The following ABCA9 variants were observed in gnomAD, a reference collection of about 807,000 sequenced individuals.
The protein encoded by ABCA9 is ATP binding cassette subfamily A member 9.
Under a neutral mutation model 205.3 loss-of-function variants are expected in ABCA9, and 183 were observed. The ratio of observed to expected loss-of-function variants is 0.89; its 90% CI spans 0.79 to 1.01. The LOEUF (loss-of-function observed/expected upper bound fraction) is 1.01, where lower values mean the gene tolerates loss of function less well. Among genes scored for constraint, ABCA9 ranks in the 50% least tolerant of loss-of-function variants. The pLI is 0.00. For synonymous variants in ABCA9, 651 were observed against 683.3 expected, an observed-to-expected ratio of 0.95 and a Z score of 0.74; for missense variants, 1,805 against 1,912.4, an observed-to-expected ratio of 0.94 and a Z score of 1.05.
Position 68,982,564 on chromosome 17 carries a change from A to G in ABCA9, c.4718T>C (p.Ile1573Thr). The change falls in exon 37 of 39, where the codon ATA (isoleucine) becomes ACA (threonine). Residue 1573 changes from isoleucine (I) to threonine (T), a missense_variant and splice_region_variant. Ile to Thr is a moderately conservative substitution (Grantham distance 89, BLOSUM62 -1). Transcript: ENST00000340001. ...PLSQAFFKLE[I>T]VKQSFDLEEY... ...TGTCTCTAAACAGTCACTCTTACCT[A>G]TCTCTAATTTGAAGAAAGCCTGTGA... The G allele has an allele frequency of 1.9e-6, 3 of 1,612,762 alleles. No individual in the cohort carries two copies. The highest frequency in any genetic ancestry group is 2.5e-6 in the Non-Finnish European group (3 of 1,178,762).
chr17:68,976,134 C>T lies in ABCA9; in HGVS notation c.4776+1G>A, dbSNP rs766195842. The T allele has an allele frequency of 1.2e-6, 2 of 1,613,954 alleles. No individual in the cohort carries two copies. Among genetic ancestry groups the T allele is most frequent in the Non-Finnish European group, 1.7e-6 (2 of 1,179,806 alleles). ...ATATAGAATCACTAAAAATGACCCA[C>T]CTGCTCCAGGGTAGACTGTGAGAGG... On this transcript the variant is annotated splice_donor_variant, in intron 38 of 38. Coordinates refer to ENST00000340001, the MANE Select transcript of ABCA9 (RefSeq NM_080283.4). LOFTEE classifies it high-confidence loss of function.
rs577745042 is a variant in ABCA9, at chr17:69,008,171, G to A, written c.3212C>T (p.Ala1071Val). The A allele has an allele frequency of 3.8e-5, 62 of 1,613,932 alleles. 2 individuals carry two copies. The South Asian group carries it at 6.8e-4, about 18-fold the overall frequency. The change falls in exon 24 of 39, where the codon GCA becomes GTA. Residue 1071 changes from alanine to valine, a missense_variant. Coordinates refer to ENST00000340001, the MANE Select transcript of ABCA9 (RefSeq NM_080283.4). ...LYPSAYWFGQALVDVSLYFLI... is the reference protein window; with the variant it reads ...LYPSAYWFGQVLVDVSLYFLI... ...AAAGTACAGGGAAACATCCACCAGT[G>A]CTTGGCCAAACCAGTATGCAGAAGG...
rs1042616212 is a variant in ABCA9 at position 68,974,745 on chromosome 17, A to G, written c.*1170T>C. 3.3e-5 allele frequency: 5 copies of G among 152,370 alleles called. No homozygotes were observed. The highest frequency in any genetic ancestry group is 3.3e-4 in the Admixed American group (5 of 15,300). 9.4% of individuals were successfully genotyped at this position (152,370 alleles called of 1,614,324 possible). On this transcript the variant is annotated 3_prime_UTR_variant, in exon 39 of 39. Transcript: ENST00000340001. ...CTATGAAGTTTTAATTATTTGCATA[A>G]GAGTATGCCCTTGCATCATAAGAAA...
At chr17:69,014,096 G>GAAAC (rs1012521285) in intron 22 of ABCA9, among the ~76,000 whole-genome samples, 25 of 152,248 alleles carry the variant, frequency 1.6e-4, no homozygotes, top group African/African-American at 5.8e-4. Flanking sequence ...AATAGATAAT[G>GAAAC]AAACACAGTG....
At chr17:69,053,884 A>AT (rs1225642946) in intron 1 of ABCA9, among the ~76,000 whole-genome samples, 1 of 152,184 alleles carries the variant, frequency 6.6e-6, no homozygotes, top group East Asian at 1.9e-4. Flanking sequence ...AAGAAATATC[A>AT]TTTTCAAACT....
intron 17 of ABCA9, among the ~76,000 whole-genome samples, chr17:69,022,623 C>T (rs762804571): frequency 1.3e-5 from 2 of 152,032 alleles, no homozygotes; most frequent in Non-Finnish European, 2.9e-5. Context: ...CTGCCTCAGC[C>T]TCCCAAAGGG....
intron 1 of ABCA9, among the ~76,000 whole-genome samples, 194 bp downstream of exon 1, chr17:69,060,671 TA>T (rs1222887088): frequency 6.6e-6 from 1 of 152,222 alleles, no homozygotes; most frequent in African/African-American, 2.4e-5. Flanking sequence ...AGTTACGGGG[TA>T]AAAATTTAAA....
chr17:69,008,510 C>A (rs1443481942), intron 23 of ABCA9, among the ~76,000 whole-genome samples: 2 of 152,220 alleles, frequency 1.3e-5, no homozygotes, highest in African/African-American at 4.8e-5. Flanking sequence ...AGTGAGAAGA[C>A]ATCTTTTCTT....
chr17:69,035,153 G>T, intron 8 of ABCA9, 93 bp downstream of exon 8: 2 of 1,088,414 alleles, frequency 1.8e-6, no homozygotes, highest in South Asian at 3.4e-5. Context: ...AAAAGTTATA[G>T]AATGGAATGC....
chr17:69,020,333 T>G lies in ABCA9; in HGVS notation c.2600+55A>C, dbSNP rs1321322022. 4.6e-6 allele frequency: 7 copies of G among 1,512,360 alleles called. No individual in the cohort carries two copies. The East Asian group carries it at 1.6e-4, about 35-fold the overall frequency. The allele number at this position is 1,512,360 out of a possible 1,614,324, so 93.7% of individuals were successfully genotyped here. ...TGAGTTTCTTTTATGTTTTGCTCTCTTAAATTTATTTTTAGTTCACAGACA... is the reference window on the plus strand; with the variant it reads ...TGAGTTTCTTTTATGTTTTGCTCTCGTAAATTTATTTTTAGTTCACAGACA... On this transcript the variant is annotated intron_variant, in intron 19 of 38. Transcript: ENST00000340001.
chr17:69,006,517 G>A (rs376892712), intron 25 of ABCA9, among the ~76,000 whole-genome samples: 59 of 152,262 alleles, frequency 3.9e-4, no homozygotes, highest in African/African-American at 1.4e-3. Flanking sequence ...ATAACCTATT[G>A]TCGATTATAT....
rs529017257 is a variant in ABCA9, at chr17:69,023,063, T to A, written c.2281+1151A>T. 2 of 152,362 alleles carry A rather than the reference T, an allele frequency of 1.3e-5. No homozygotes were observed. The highest frequency in any genetic ancestry group is 1.5e-5 in the Non-Finnish European group (1 of 68,036). 9.4% of individuals were successfully genotyped at this position (152,362 alleles called of 1,614,324 possible). A position where few individuals can be genotyped will look rare whatever the true frequency, so the allele number is the denominator to read the frequency against. On this transcript the variant is annotated intron_variant, in intron 17 of 38. Transcript: ENST00000340001. This position sits in a 1 kb window ranked among gnomAD's most constrained non-coding sequence, Gnocchi z 4.2. ...TATCTCAAAGATATTGTGTATGCAC[T>A]GTGAACCATTATTTCACTTATTCTA...
At chr17:68,994,610 AC>A (rs2144057916) in intron 26 of ABCA9, among the ~76,000 whole-genome samples, 1 of 152,206 alleles carries the variant, frequency 6.6e-6, no homozygotes, top group South Asian at 2.1e-4. Context: ...CAAGTTAATG[AC>A]TTCCCCTCTT....
chr17:69,041,711 TA>T (rs5821697), intron 6 of ABCA9, among the ~76,000 whole-genome samples: 146,407 of 151,608 alleles, frequency 0.97, 70,714 homozygotes, highest in East Asian at 1. Context: ...CTCAAAAAAA[TA>T]AAAAAAAAGA....
At chr17:68,992,828 G>A (rs1052255161) in intron 27 of ABCA9, 188 bp downstream of exon 27, 10 of 435,140 alleles carry the variant, frequency 2.3e-5, no homozygotes, top group Non-Finnish European at 1.2e-5. Flanking sequence ...AAAAAAAAGG[G>A]GGGGGGTCCA....
At chr17:69,027,519 T>G in intron 13 of ABCA9, 70 bp from the exon 14 acceptor site, 2 of 1,569,612 alleles carry the variant, frequency 1.3e-6, no homozygotes, top group Non-Finnish European at 1.7e-6. Context: ...ATTTTTCTGT[T>G]CTTTACAAAG....
chr17:69,063,159 G>C (rs1262050901), upstream of ABCA9, among the ~76,000 whole-genome samples: 1 of 131,246 alleles, frequency 7.6e-6, no homozygotes, highest in East Asian at 2.1e-4. Flanking sequence ...CAAATGCTAT[G>C]CTGTCTCATT....
chr17:69,067,076 T>C, the ABCA9 span, among the ~76,000 whole-genome samples: 6 of 152,154 alleles, frequency 3.9e-5, no homozygotes, highest in Non-Finnish European at 7.4e-5. Context: ...GCCGTACTTA[T>C]GGAATAAACT....
chr17:68,978,557 T>C (rs1023384477), intron 37 of ABCA9, among the ~76,000 whole-genome samples: 1 of 152,230 alleles, frequency 6.6e-6, no homozygotes, highest in Non-Finnish European at 1.5e-5. Context: ...AGTTTCTTCC[T>C]AGCCTCAATG....
Sources: gnomAD v4.1 joint callset for allele counts (sites outside exome capture counted in the v4.1 genomes callset) on GRCh38, gnomAD v4.1.1 for gene constraint, Gnocchi (gnomAD v3.1) non-coding constraint, MANE v1.5 for transcripts, NCBI Gene and HGNC (gene_info 2026-07-23, HGNC 2026-07-21) for gene names.